Variants in ANXA10 observed in about 807,000 individuals in gnomAD.
The protein encoded by ANXA10 is annexin 14.
Under a neutral mutation model 53.5 loss-of-function variants are expected in ANXA10, and 49 were observed. The observed-to-expected ratio is 0.92, with a 90% CI of 0.73 to 1.16. ANXA10 has a LOEUF of 1.16. Ranked by LOEUF, ANXA10 falls within the 50% of genes most tolerant of loss-of-function variation. The pLI is 0.00. For missense variants in ANXA10, 393 were observed against 394.4 expected, an observed-to-expected ratio of 1.00 and a Z score of 0.03; for synonymous variants, 131 against 128.9, an observed-to-expected ratio of 1.02 and a Z score of -0.11.
At chr4:168,142,508 C>CA (rs1731343222) in intron 3 of ANXA10, among the ~76,000 whole-genome samples, 1 of 152,184 alleles carries the variant, frequency 6.6e-6, no homozygotes, top group Non-Finnish European at 1.5e-5. Context: ...CACAGCCCCC[C>CA]ACCAGATCGA....
At chr4:168,156,194 ATATAATATATAT>A (rs1317793180) in intron 3 of ANXA10, among the ~76,000 whole-genome samples, 9 of 22,298 alleles carry the variant, frequency 4.0e-4, no homozygotes, top group South Asian at 1.1e-3. Flanking sequence ...TATATATTAT[ATATAATATATAT>A]TATATTATAT....
chr4:168,125,658 C>T (rs1274592738), intron 1 of ANXA10, among the ~76,000 whole-genome samples: 1 of 152,222 alleles, frequency 6.6e-6, no homozygotes, highest in Non-Finnish European at 1.5e-5. Flanking sequence ...TTCAACTTCA[C>T]GTGCAAAACA....
chr4:168,102,195 G>A (rs1009424982), intron 1 of ANXA10, among the ~76,000 whole-genome samples: 7 of 152,000 alleles, frequency 4.6e-5, no homozygotes, highest in Non-Finnish European at 8.8e-5. Flanking sequence ...AGATTTATTT[G>A]TTATATAAAT....
intron 5 of ANXA10, among the ~76,000 whole-genome samples, 168 bp downstream of exon 5, chr4:168,164,456 C>T (rs1304562846): frequency 6.6e-6 from 1 of 152,058 alleles, no homozygotes; most frequent in Non-Finnish European, 1.5e-5. Flanking sequence ...TATTAGTGCA[C>T]TAAAAATGAA....
intron 4 of ANXA10, among the ~76,000 whole-genome samples, chr4:168,163,119 C>A (rs886421314): frequency 6.6e-6 from 1 of 151,576 alleles, no homozygotes; most frequent in Non-Finnish European, 1.5e-5. Context: ...TCATTCTTTA[C>A]AGAAACATTT....
At chr4:168,123,070 C>A (rs1010845733) in intron 1 of ANXA10, among the ~76,000 whole-genome samples, 1 of 152,016 alleles carries the variant, frequency 6.6e-6, no homozygotes, top group African/African-American at 2.4e-5. Flanking sequence ...GAGCTTATAG[C>A]CTAGAAGAAG....
intron 3 of ANXA10, among the ~76,000 whole-genome samples, chr4:168,140,702 T>G (rs778848582): frequency 2.6e-5 from 4 of 151,910 alleles, no homozygotes; most frequent in Admixed American, 6.6e-5. Flanking sequence ...CACTGCAACC[T>G]CCGCCTCCTG....
At chr4:168,142,167 A>G (rs914444897) in intron 3 of ANXA10, among the ~76,000 whole-genome samples, 6 of 152,004 alleles carry the variant, frequency 3.9e-5, no homozygotes, top group African/African-American at 1.2e-4. Flanking sequence ...AGACTTCCCA[A>G]GCTTTTCCTT....
intron 3 of ANXA10, among the ~76,000 whole-genome samples, chr4:168,155,808 G>A (rs1417295441): frequency 1.4e-4 from 1 of 7,398 alleles, no homozygotes; most frequent in Non-Finnish European, 2.2e-4. Flanking sequence ...TATAATATAT[G>A]ATATATTATA....
At chr4:168,116,867 A>T (rs984967759) in intron 1 of ANXA10, among the ~76,000 whole-genome samples, 7 of 152,292 alleles carry the variant, frequency 4.6e-5, no homozygotes, top group African/African-American at 1.4e-4. Context: ...TTGTGACCTA[A>T]CAGTGAAGTT....
At position 168,160,850 on chromosome 4, in the gene ANXA10, G is replaced by T. The variant is rs186158512; in HGVS notation, c.196-1678G>T. ...CTTTCCATGTGTTTGTTGGCTGCAC[G>T]TCTGTCTTCTTTTGAGAAGTGTCTG... On this transcript the variant is annotated intron_variant, in intron 3 of 11. Coordinates refer to ENST00000359299, the MANE Select transcript of ANXA10 (RefSeq NM_007193.5). Among the ~76,000 whole-genome samples, 878 of 152,170 alleles carry T rather than the reference G, an allele frequency of 5.8e-3. 4 individuals carry two copies. The highest frequency in any genetic ancestry group is 0.017 in the Middle Eastern group (5 of 294).
At chr4:168,126,605 T>C (rs187843672) in intron 1 of ANXA10, among the ~76,000 whole-genome samples, 88 of 152,114 alleles carry the variant, frequency 5.8e-4, no homozygotes, top group African/African-American at 1.9e-3. Context: ...TTACACCCTC[T>C]TATCTAGGAC....
chr4:168,093,439 GGTCTC>G (rs1434008518), intron 1 of ANXA10, among the ~76,000 whole-genome samples: 1 of 151,976 alleles, frequency 6.6e-6, no homozygotes, highest in African/African-American at 2.4e-5. Context: ...TATATGAAAA[GGTCTC>G]CATTTCACAT....
intron 1 of ANXA10, among the ~76,000 whole-genome samples, chr4:168,120,505 T>G (rs1175466337): frequency 2.0e-5 from 3 of 152,032 alleles, no homozygotes; most frequent in Admixed American, 2.0e-4. Flanking sequence ...TATTAATATA[T>G]TTCTATAAAT....
Position 168,156,198 on chromosome 4 carries a change from A to ATATATT in ANXA10, c.196-6330_196-6329insTATATT, listed in dbSNP as rs1491176698. Reference sequence around the variant, plus strand: ...ATATTATATATTATATATTATATATAATATATATTATATTATATGTAATAT... The same window carrying ATATATT: ...ATATTATATATTATATATTATATATATATATTATATATATTATATTATATGTAATAT... On this transcript the variant is annotated intron_variant, in intron 3 of 11. Coordinates refer to ENST00000359299, the MANE Select transcript of ANXA10 (RefSeq NM_007193.5). 1.5e-3 allele frequency among the ~76,000 whole-genome samples: 18 copies of ATATATT among 12,044 alleles called. 1 individual carries two copies. The highest frequency in any genetic ancestry group is 4.8e-3 in the East Asian group (1 of 210). The allele number at this position is 12,044 out of a possible 152,430, so 7.9% of individuals were successfully genotyped here.
chr4:168,117,343 TCTCCAAAATAA>T (rs1560962194), intron 1 of ANXA10, among the ~76,000 whole-genome samples: 1 of 152,190 alleles, frequency 6.6e-6, no homozygotes, highest in East Asian at 1.9e-4. Flanking sequence ...AAGTGTGTGT[TCTCCAAAATAA>T]CTCCTTTTAA....
At chr4:168,097,650 C>T (rs1730573176) in intron 1 of ANXA10, among the ~76,000 whole-genome samples, 1 of 152,084 alleles carries the variant, frequency 6.6e-6, no homozygotes, top group South Asian at 2.1e-4. Context: ...TCATACCTTA[C>T]ATTATCATTG....
chr4:168,094,583 G>C (rs1196023844), intron 1 of ANXA10, among the ~76,000 whole-genome samples: 1 of 152,022 alleles, frequency 6.6e-6, no homozygotes, highest in Admixed American at 6.6e-5. Context: ...GTAATTGACT[G>C]AGTTGTTTGT....
intron 11 of ANXA10, among the ~76,000 whole-genome samples, chr4:168,187,003 CAT>C (rs897020040): frequency 2.1e-4 from 32 of 152,080 alleles, no homozygotes; most frequent in African/African-American, 7.7e-4. Context: ...TCTTTTGAGA[CAT>C]ATTAATTTGT....
Sources: allele counts gnomAD v4.1 joint callset (sites outside exome capture counted in the v4.1 genomes callset), GRCh38; gene constraint gnomAD v4.1.1; transcripts MANE v1.5; gene names NCBI Gene and HGNC (gene_info 2026-07-23, HGNC 2026-07-21).